Variants in SLC17A1 observed in about 807,000 individuals in gnomAD.
SLC17A1 encodes sodium-dependent phosphate transport protein 1.
In SLC17A1, 51 loss-of-function variants were observed where a neutral mutation model predicts 53.5. The observed-to-expected ratio is 0.95, with a 90% CI of 0.76 to 1.20. The LOEUF (loss-of-function observed/expected upper bound fraction) is 1.20, where lower values mean the gene tolerates loss of function less well. Among genes scored for constraint, SLC17A1 ranks in the 50% most tolerant of loss-of-function variants. SLC17A1 has a pLI of 0.00. For missense variants in SLC17A1, 538 were observed against 568.2 expected, an observed-to-expected ratio of 0.95 and a Z score of 0.54; for synonymous variants, 179 against 198.8, an observed-to-expected ratio of 0.90 and a Z score of 0.84.
the SLC17A1 span, among the ~76,000 whole-genome samples, chr6:25,769,698 T>C: frequency 6.6e-6 from 1 of 152,190 alleles, no homozygotes; most frequent in East Asian, 1.9e-4. Context: ...TACCATTTAG[T>C]GGACATAAAT....
rs767594373 is a variant in SLC17A1 at position 25,826,483 on chromosome 6, T to C, written c.185A>G (p.Lys62Arg). ...TACCTTTATATTATCCAGGAGCTTC[T>C]TTGTGGAGGTGTTGGGCAAACCATG... Reference protein sequence around the residue: ...DPHGLPNTSTKKLLDNIKNPM... With the variant: ...DPHGLPNTSTRKLLDNIKNPM... The change falls in exon 3 of 13, where the codon AAG becomes AGG. Residue 62 changes from lysine to arginine, a missense_variant. By Grantham distance (26) the Lys-to-Arg change is conservative. Transcript: ENST00000244527. 1 of 1,607,182 alleles carries C rather than the reference T, an allele frequency of 6.2e-7. No homozygotes were observed. The highest frequency in any genetic ancestry group is 1.7e-5 in the Admixed American group (1 of 58,782).
At chr6:25,825,730 A>C (rs1214113384) in intron 3 of SLC17A1, among the ~76,000 whole-genome samples, 1 of 151,980 alleles carries the variant, frequency 6.6e-6, no homozygotes, top group Non-Finnish European at 1.5e-5. Flanking sequence ...ATTTTTGAAA[A>C]AAATATTTCT....
At chr6:25,806,397 A>G (rs1763955162) in intron 10 of SLC17A1, among the ~76,000 whole-genome samples, 1 of 152,074 alleles carries the variant, frequency 6.6e-6, no homozygotes. Context: ...TAAAAGTCAC[A>G]TATAGCAAAC....
chr6:25,820,566 C>G (rs1764516967), intron 3 of SLC17A1, among the ~76,000 whole-genome samples: 1 of 152,126 alleles, frequency 6.6e-6, no homozygotes. Context: ...AGAGGGCCTT[C>G]TATTGTTTCT....
intron 2 of SLC17A1, 101 bp downstream of exon 2, chr6:25,830,423 G>T: frequency 2.3e-6 from 2 of 860,760 alleles, no homozygotes; most frequent in Admixed American, 1.8e-5. Context: ...ACATTTTTAA[G>T]ACCCCATATG....
At chr6:25,777,780 T>A in the SLC17A1 span, 1 of 628,790 alleles carries the variant, frequency 1.6e-6, no homozygotes, top group Non-Finnish European at 2.8e-6. Context: ...ATTCCAGTCA[T>A]CTCCAGAGGT....
chr6:25,819,396 G>A, intron 5 of SLC17A1, 115 bp downstream of exon 5: 2 of 875,108 alleles, frequency 2.3e-6, no homozygotes, highest in Non-Finnish European at 3.7e-6. Context: ...TGCTGAAACA[G>A]ATGATTTCCA....
At position 25,826,493 on chromosome 6, in the gene SLC17A1, T is replaced by C; in HGVS notation, c.175A>G (p.Thr59Ala). The change falls in exon 3 of 13, where the codon ACC becomes GCC. Residue 59 changes from threonine to alanine, a missense_variant. Thr to Ala is a moderately conservative substitution (Grantham distance 58, BLOSUM62 0). Coordinates refer to ENST00000244527, the MANE Select transcript of SLC17A1 (RefSeq NM_005074.5). ...TTATCCAGGAGCTTCTTTGTGGAGG[T>C]GTTGGGCAAACCATGTGGATCTGTG... The part of the protein sequence containing the change: ...NSTDPHGLPN[T>A]STKKLLDNIK... 1 of 1,609,928 alleles carries C rather than the reference T, an allele frequency of 6.2e-7. No individual in the cohort carries two copies. Among genetic ancestry groups the C allele is most frequent in the South Asian group, 1.1e-5 (1 of 90,402 alleles).
chr6:25,724,091 C>A, the SLC17A1 span, among the ~76,000 whole-genome samples: 1 of 152,082 alleles, frequency 6.6e-6, no homozygotes, highest in African/African-American at 2.4e-5. Context: ...AAAAAGAATA[C>A]CTGGAGATAA....
the SLC17A1 span, among the ~76,000 whole-genome samples, chr6:25,757,829 C>G: frequency 6.6e-6 from 1 of 152,202 alleles, no homozygotes; most frequent in Non-Finnish European, 1.5e-5. Context: ...CCAGTCCTCC[C>G]ATGTCAGGGG....
At chr6:25,798,240 C>T (rs1472203047) in intron 12 of SLC17A1, among the ~76,000 whole-genome samples, 1 of 152,112 alleles carries the variant, frequency 6.6e-6, no homozygotes, top group African/African-American at 2.4e-5. Context: ...GACATTTCTC[C>T]TCCAATTCAT....
At chr6:25,738,991 A>G in the SLC17A1 span, among the ~76,000 whole-genome samples, 1 of 152,218 alleles carries the variant, frequency 6.6e-6, no homozygotes, top group African/African-American at 2.4e-5. Context: ...CTGTAAAATC[A>G]AAACATATAC....
chr6:25,809,894 C>A (rs1455940178), intron 10 of SLC17A1, among the ~76,000 whole-genome samples: 4 of 152,024 alleles, frequency 2.6e-5, no homozygotes, highest in Admixed American at 2.6e-4. Flanking sequence ...ATAAAAATAA[C>A]ATGATACTAG....
At chr6:25,779,254 T>A (rs1201068096), downstream of SLC17A1, 1 of 1,593,920 alleles carries the variant, frequency 6.3e-7, no homozygotes, top group Non-Finnish European at 8.6e-7. Flanking sequence ...CAGACATTTC[T>A]CTTTCATGCC....
the SLC17A1 span, among the ~76,000 whole-genome samples, chr6:25,751,566 T>G: frequency 2.0e-5 from 3 of 152,176 alleles, no homozygotes; most frequent in Admixed American, 6.5e-5. Flanking sequence ...CCATCCATAT[T>G]CCAAATAAAG....
At chr6:25,817,910 G>A (rs1764416515) in intron 6 of SLC17A1, among the ~76,000 whole-genome samples, 1 of 152,124 alleles carries the variant, frequency 6.6e-6, no homozygotes, top group Non-Finnish European at 1.5e-5. Context: ...GCTGACCATT[G>A]TCTACTACTG....
the SLC17A1 span, among the ~76,000 whole-genome samples, chr6:25,736,645 T>G: frequency 6.6e-6 from 1 of 152,176 alleles, no homozygotes; most frequent in Non-Finnish European, 1.5e-5. Flanking sequence ...TTCCTTCTAC[T>G]GTTAAGAACC....
At chr6:25,777,941 C>A (rs751304683), downstream of SLC17A1, 1 of 1,613,130 alleles carries the variant, frequency 6.2e-7, no homozygotes, top group South Asian at 1.1e-5. Flanking sequence ...CTGGCTTTCT[C>A]AAAGGACTAT....
At chr6:25,803,137 G>A (rs1389503786) in intron 10 of SLC17A1, among the ~76,000 whole-genome samples, 3 of 151,252 alleles carry the variant, frequency 2.0e-5, no homozygotes, top group Non-Finnish European at 4.4e-5. Context: ...TAGTAGAGAC[G>A]GGGTTTCACT....
Sources: gnomAD v4.1 joint callset for allele counts (sites outside exome capture counted in the v4.1 genomes callset) on GRCh38, gnomAD v4.1.1 for gene constraint, MANE v1.5 for transcripts, NCBI Gene and HGNC (gene_info 2026-07-23, HGNC 2026-07-21) for gene names.